Variants in SQLE observed in about 807,000 individuals in gnomAD.
SQLE encodes squalene epoxidase.
Under a neutral mutation model 60.7 loss-of-function variants are expected in SQLE, and 29 were observed. That is an observed-to-expected ratio of 0.48 (90% confidence interval 0.36 to 0.65). The LOEUF (loss-of-function observed/expected upper bound fraction) is 0.65, where lower values mean the gene tolerates loss of function less well. Ranked by LOEUF, SQLE falls within the 30% of genes least tolerant of loss-of-function variation. The pLI is 0.00. For missense variants in SQLE, 605 were observed against 684.1 expected (o/e 0.88, Z 1.29); for synonymous variants, 237 against 246.8 (o/e 0.96, Z 0.37).
chr8:125,021,172 G>A (rs939017737), intron 10 of SQLE, among the ~76,000 whole-genome samples: 1 of 152,112 alleles, frequency 6.6e-6, no homozygotes, highest in Non-Finnish European at 1.5e-5. Flanking sequence ...GAATAATTGA[G>A]AAATTTTAAT....
Position 124,999,533 on chromosome 8 carries a change from T to C in SQLE, c.130T>C (p.Tyr44His). ...CCTCTCGCTGGGCCTGGTGCTCTCC[T>C]ACCGCTGTCGCCACCGAAACGGGGG... ...VFLSLGLVLSYRCRHRNGGLL... is the reference protein window; with the variant it reads ...VFLSLGLVLSHRCRHRNGGLL... Residue 44 changes from tyrosine (Y) to histidine (H), a missense_variant, in exon 1 of 11, where the codon TAC (tyrosine) becomes CAC (histidine). Transcript: ENST00000265896. 1.2e-6 allele frequency: 2 copies of C among 1,613,144 alleles called. No individual in the cohort carries two copies. Among genetic ancestry groups the C allele is most frequent in the Non-Finnish European group, 1.7e-6 (2 of 1,179,548 alleles).
chr8:124,998,745 G>T lies in SQLE; in HGVS notation c.-659G>T, dbSNP rs146185185. 3 of 554,666 alleles carry T rather than the reference G, an allele frequency of 5.4e-6. No individual in the cohort carries two copies. In the South Asian group the frequency reaches 6.3e-5, roughly 12 times the overall value. 34.4% of individuals were successfully genotyped at this position (554,666 alleles called of 1,614,324 possible). A position where few individuals can be genotyped will look rare whatever the true frequency, so the allele number is the denominator to read the frequency against. On this transcript the variant is annotated 5_prime_UTR_variant, in exon 1 of 11. Transcript: ENST00000265896. ...GAGGCCTCTAAATCTTTAGGTTGGG[G>T]CTGCATTGCCCTGGAGCCGCACTCT...
At chr8:125,000,590 G>A (rs1412087956) in intron 1 of SQLE, among the ~76,000 whole-genome samples, 3 of 152,032 alleles carry the variant, frequency 2.0e-5, no homozygotes, top group Non-Finnish European at 4.4e-5. Context: ...TGGGATTACA[G>A]GTGCACGCCA....
chr8:124,999,899 G>A (rs1362269299), intron 1 of SQLE: 1 of 754,172 alleles, frequency 1.3e-6, no homozygotes, highest in Non-Finnish European at 2.3e-6. Context: ...GTTTCATTTA[G>A]CATTGGTTGA....
At chr8:125,004,407 C>T (rs954821810) in intron 2 of SQLE, among the ~76,000 whole-genome samples, 4 of 151,864 alleles carry the variant, frequency 2.6e-5, no homozygotes, top group South Asian at 2.1e-4. Flanking sequence ...ATTATTACAT[C>T]GAAGGATGCT....
At chr8:125,011,733 T>C in intron 7 of SQLE, 101 bp downstream of exon 7, 1 of 1,051,342 alleles carries the variant, frequency 9.5e-7, no homozygotes. Context: ...GACAGATAGT[T>C]TGTCACTGTG....
rs1333802280 is a variant in SQLE at position 125,008,863 on chromosome 8, T to C, written c.823-108T>C. On this transcript the variant is annotated intron_variant, in intron 4 of 10. Transcript: ENST00000265896. ...TATTATCTTCAACTACTCTCTATAA[T>C]GCTATCTGATAATATATCTAAATCT... is the stretch of plus-strand genomic sequence containing the variant. 3 of 723,328 alleles carry C rather than the reference T, an allele frequency of 4.1e-6. No individual in the cohort carries two copies. In the East Asian group the frequency reaches 8.6e-5, roughly 21 times the overall value. The allele number at this position is 723,328 out of a possible 1,614,324, so 44.8% of individuals were successfully genotyped here.
rs1263074944 is a variant in SQLE at position 125,016,186 on chromosome 8, A to C, written c.1205-1873A>C. ...GAAGTTCTCTGTTATTTTTTCTTCA[A>C]ATAAACTTTCTACCCTCATCTTTCT... On this transcript the variant is annotated intron_variant, in intron 7 of 10. Transcript: ENST00000265896. This position sits in a 1 kb window ranked among gnomAD's most constrained non-coding sequence, Gnocchi z 4.1. Among the ~76,000 whole-genome samples, 1 of 138,502 alleles carries C rather than the reference A, an allele frequency of 7.2e-6. No homozygotes were observed. The highest frequency in any genetic ancestry group is 1.5e-5 in the Non-Finnish European group (1 of 66,370). 90.9% of individuals were successfully genotyped at this position (138,502 alleles called of 152,430 possible).
chr8:125,008,038 TAGTA>T (rs1284832967), intron 4 of SQLE, among the ~76,000 whole-genome samples: 8 of 152,198 alleles, frequency 5.3e-5, no homozygotes, highest in African/African-American at 9.7e-5. Flanking sequence ...ACTCAGGTAA[TAGTA>T]AGAGAATCTT....
intron 1 of SQLE, among the ~76,000 whole-genome samples, chr8:125,002,840 A>G (rs1381145279): frequency 1.3e-5 from 2 of 152,198 alleles, no homozygotes; most frequent in Non-Finnish European, 2.9e-5. Flanking sequence ...TTGCCCTATA[A>G]TAAGTCTTTG....
intron 10 of SQLE, 87 bp downstream of exon 10, chr8:125,020,958 T>G: frequency 2.3e-6 from 2 of 886,540 alleles, no homozygotes; most frequent in Non-Finnish European, 3.6e-6. Flanking sequence ...CTTTCTTCCT[T>G]ACACATTTTG....
intron 4 of SQLE, among the ~76,000 whole-genome samples, chr8:125,008,708 A>T (rs1814995609): frequency 6.6e-6 from 1 of 152,146 alleles, no homozygotes; most frequent in African/African-American, 2.4e-5. Context: ...ATTGTCTGTC[A>T]AAGTGGAGAG....
chr8:125,005,361 T>TC (rs1380991224), intron 2 of SQLE, among the ~76,000 whole-genome samples, 164 bp from the exon 3 acceptor site: 3 of 133,328 alleles, frequency 2.3e-5, no homozygotes, highest in African/African-American at 9.7e-5. Context: ...CTCATTGACT[T>TC]CCAGAAGCAT....
chr8:125,018,574 C>A, intron 8 of SQLE, 57 bp from the exon 9 acceptor site: 1 of 1,130,266 alleles, frequency 8.8e-7, no homozygotes, highest in Non-Finnish European at 1.3e-6. Context: ...GGATTATAAA[C>A]ATCAGTTTGT....
At position 125,018,697 on chromosome 8, in the gene SQLE, G is replaced by A; in HGVS notation, c.1414G>A (p.Ala472Thr). The A allele has an allele frequency of 6.2e-7, 1 of 1,604,322 alleles. No individual in the cohort carries two copies. Among genetic ancestry groups the A allele is most frequent in the Non-Finnish European group, 8.5e-7 (1 of 1,177,230 alleles). ...CTTTGTCGTGAATATCCTTGCTCAG[G>A]CTCTTTATGAATTATTTTCTGCCAC... ...HSFVVNILAQ[A>T]LYELFSATDD... The change falls in exon 9 of 11, where the codon GCT becomes ACT. Residue 472 changes from alanine to threonine, a missense_variant. By Grantham distance (58) the Ala-to-Thr change is moderately conservative (BLOSUM62 0). Transcript: ENST00000265896.
intron 3 of SQLE, among the ~76,000 whole-genome samples, chr8:125,006,925 G>T (rs1222830713): frequency 3.3e-5 from 5 of 151,974 alleles, no homozygotes; most frequent in Non-Finnish European, 7.4e-5. Context: ...GGATGGCCTT[G>T]ATCTCCTGAC....
At chr8:125,014,666 CT>C (rs1453826786) in intron 7 of SQLE, among the ~76,000 whole-genome samples, 1 of 152,160 alleles carries the variant, frequency 6.6e-6, no homozygotes, top group Non-Finnish European at 1.5e-5. Flanking sequence ...CATTGACCCA[CT>C]GGTCATTCAA....
intron 3 of SQLE, 134 bp downstream of exon 3, chr8:125,005,839 CTG>C (rs1459488163): frequency 6.5e-6 from 4 of 616,214 alleles, no homozygotes; most frequent in Non-Finnish European, 9.6e-6. Flanking sequence ...TTAAAATAAA[CTG>C]TCAGTCAAAA....
In SQLE at chr8:125,005,461, G is replaced by T. The variant is rs552777718; in HGVS notation, c.545-64G>T. The T allele has an allele frequency of 8.6e-5, 119 of 1,384,916 alleles. 1 individual carries two copies. In the Middle Eastern group the frequency reaches 3.0e-3, roughly 35 times the overall value. The allele number at this position is 1,384,916 out of a possible 1,614,324, so 85.8% of individuals were successfully genotyped here. The stretch of plus-strand genomic sequence containing the variant: ...TTTTTGATGTGTGTGTGTCTTCTTT[G>T]GTTCTTAGTTTAACGCTGGGTGTGT... On this transcript the variant is annotated intron_variant, in intron 2 of 10. Coordinates refer to ENST00000265896, the MANE Select transcript of SQLE (RefSeq NM_003129.4).
Sources: gnomAD v4.1 joint callset for allele counts (sites outside exome capture counted in the v4.1 genomes callset) on GRCh38, gnomAD v4.1.1 for gene constraint, Gnocchi (gnomAD v3.1) non-coding constraint, MANE v1.5 for transcripts, NCBI Gene and HGNC (gene_info 2026-07-23, HGNC 2026-07-21) for gene names.